Variants in TRPV2 observed in about 807,000 individuals in gnomAD.
TRPV2 encodes the protein OTRPC2.
Under a neutral mutation model 91.0 loss-of-function variants are expected in TRPV2, and 58 were observed. The ratio of observed to expected loss-of-function variants is 0.64; its 90% confidence interval spans 0.52 to 0.79. The LOEUF (loss-of-function observed/expected upper bound fraction) is 0.79. TRPV2 is among the 30% of genes least tolerant of loss of function. The pLI is 0.00. For missense variants in TRPV2, 807 were observed against 969.6 expected (o/e 0.83, Z 2.23); for synonymous variants, 417 against 414.8 (o/e 1.01, Z -0.06).
At position 16,432,165 on chromosome 17, in the gene TRPV2, C is replaced by G; in HGVS notation, c.1854C>G (p.Phe618Leu). Residue 618 changes from phenylalanine (F) to leucine (L), a missense_variant, in exon 12 of 15, where the codon TTC becomes TTG. Physicochemically the swap from Phe to Leu is conservative, Grantham distance 22. Coordinates refer to ENST00000338560, the MANE Select transcript of TRPV2 (RefSeq NM_016113.5). ...GELAFQEQLH[F>L]RGMVLLLLLA... ...TGGCCTTCCAGGAGCAGCTGCACTTCCGCGGCATGGTGCTGCTGCTGCTGC... is the reference window on the plus strand; with the variant it reads ...TGGCCTTCCAGGAGCAGCTGCACTTGCGCGGCATGGTGCTGCTGCTGCTGC... 1 of 1,614,278 alleles carries G rather than the reference C, an allele frequency of 6.2e-7. No individual in the cohort carries two copies. The highest frequency in any genetic ancestry group is 8.5e-7 in the Non-Finnish European group (1 of 1,180,052).
chr17:16,432,997 G>A (rs988614990), intron 12 of TRPV2, among the ~76,000 whole-genome samples: 1 of 150,284 alleles, frequency 6.7e-6, no homozygotes, highest in Non-Finnish European at 1.5e-5. Flanking sequence ...TAGAGATAAG[G>A]TTTCACCATG....
chr17:16,426,140 C>A lies in TRPV2; in HGVS notation c.966C>A (p.Ser322Arg). The change falls in exon 6 of 15, where the codon AGC becomes AGA. Residue 322 changes from serine to arginine, a missense_variant. By Grantham distance (110) the Ser-to-Arg change is moderately radical (BLOSUM62 -1). Transcript: ENST00000338560. The surrounding 1 kb of genome is among the most constrained non-coding windows in gnomAD (Gnocchi z 6.0). ...HILQREFSGL[S>R]HLSRKFTEWC... ...TGCAGCGGGAGTTTTCAGGACTGAGCCACCTTTCCCGAAAGTTCACCGAGT... is the reference window on the plus strand; with the variant it reads ...TGCAGCGGGAGTTTTCAGGACTGAGACACCTTTCCCGAAAGTTCACCGAGT... The A allele has an allele frequency of 1.9e-6, 3 of 1,614,146 alleles. No homozygotes were observed. Among genetic ancestry groups the A allele is most frequent in the Non-Finnish European group, 2.5e-6 (3 of 1,180,014 alleles).
chr17:16,428,418 A>G, intron 9 of TRPV2, 31 bp downstream of exon 9: 2 of 1,608,376 alleles, frequency 1.2e-6, no homozygotes, highest in Non-Finnish European at 1.7e-6. Context: ...CCTTCTCTCA[A>G]CTGTCTCTGA....
intron 10 of TRPV2, among the ~76,000 whole-genome samples, chr17:16,430,503 T>C (rs1600984335): frequency 6.6e-6 from 1 of 150,610 alleles, no homozygotes; most frequent in African/African-American, 2.4e-5. Context: ...TTTTTTTTTT[T>C]GAGATGGAGT....
chr17:16,428,518 C>A, intron 9 of TRPV2, 131 bp downstream of exon 9: 1 of 1,007,098 alleles, frequency 9.9e-7, no homozygotes, highest in South Asian at 1.4e-5. Flanking sequence ...TGTGTACAGG[C>A]CAGTCCCAGG....
At position 16,437,003 on chromosome 17, in the gene TRPV2, A is replaced by C; in HGVS notation, c.*114A>C. On this transcript the variant is annotated 3_prime_UTR_variant, in exon 15 of 15. Coordinates refer to ENST00000338560, the MANE Select transcript of TRPV2 (RefSeq NM_016113.5). Reference sequence around the variant, plus strand: ...GGCAAATATATATTTTCACTAACTAACTCTTCTGGAAACATTATTTGGGCA... The same window carrying C: ...GGCAAATATATATTTTCACTAACTACCTCTTCTGGAAACATTATTTGGGCA... 1.3e-6 allele frequency: 1 copy of C among 772,208 alleles called. No homozygotes were observed. Among genetic ancestry groups the C allele is most frequent in the Non-Finnish European group, 2.2e-6 (1 of 462,600 alleles). The allele number at this position is 772,208 out of a possible 1,614,324, so 47.8% of individuals were successfully genotyped here.
intron 1 of TRPV2, among the ~76,000 whole-genome samples, chr17:16,416,875 G>C (rs912564621): frequency 5.3e-5 from 8 of 152,196 alleles, no homozygotes; most frequent in Non-Finnish European, 2.9e-5. Context: ...TTTGGCGAGG[G>C]GTTGAGTGAC....
At chr17:16,418,737 T>C (rs751733238) in intron 2 of TRPV2, among the ~76,000 whole-genome samples, 12 of 152,082 alleles carry the variant, frequency 7.9e-5, no homozygotes, top group Non-Finnish European at 1.5e-4. Flanking sequence ...CTCAATGGGC[T>C]TCCCTACCCC....
intron 2 of TRPV2, 128 bp from the exon 3 acceptor site, chr17:16,419,987 C>A: frequency 3.7e-6 from 5 of 1,365,454 alleles, no homozygotes; most frequent in Non-Finnish European, 5.0e-6. Context: ...AGGGCTCTCA[C>A]TGGGCTCCTG....
At chr17:16,431,936 GC>G in intron 11 of TRPV2, 29 bp from the exon 12 acceptor site, 1 of 1,610,968 alleles carries the variant, frequency 6.2e-7, no homozygotes, top group South Asian at 1.1e-5. Flanking sequence ...GGTCTCCTGG[GC>G]TAAGGACCCC....
Position 16,436,932 on chromosome 17 carries a change from C to T in TRPV2, c.*43C>T. The T allele has an allele frequency of 6.7e-7, 1 of 1,492,478 alleles. No homozygotes were observed. The allele number at this position is 1,492,478 out of a possible 1,614,324, so 92.5% of individuals were successfully genotyped here. A position where few individuals can be genotyped will look rare whatever the true frequency, so the allele number is the denominator to read the frequency against. On this transcript the variant is annotated 3_prime_UTR_variant, in exon 15 of 15. Transcript: ENST00000338560. ...GAGGCCAGAGGACAGAGCAGAGGATCTTTCCAACCACATCTGCTGGCTCTG... is the reference window on the plus strand; with the variant it reads ...GAGGCCAGAGGACAGAGCAGAGGATTTTTCCAACCACATCTGCTGGCTCTG...
chr17:16,427,627 C>T, intron 8 of TRPV2, 80 bp downstream of exon 8: 1 of 1,354,932 alleles, frequency 7.4e-7, no homozygotes, highest in Middle Eastern at 1.8e-4. Context: ...TTAGCTGCAT[C>T]CCCTCACTGA....
At position 16,417,825 on chromosome 17, in the gene TRPV2, C is replaced by G; in HGVS notation, c.157C>G (p.Gln53Glu). ...FQGEDRKFAP[Q>E]IRVNLNYRKG... ...GGGCGAGGACCGGAAATTCGCCCCT[C>G]AGATAAGAGTCAACCTCAACTACCG... The change falls in exon 2 of 15, where the codon CAG becomes GAG. Residue 53 changes from glutamine to glutamate, a missense_variant. Physicochemically the swap from Gln to Glu is conservative, Grantham distance 29 (BLOSUM62 2). Coordinates refer to ENST00000338560, the MANE Select transcript of TRPV2 (RefSeq NM_016113.5). 4 of 1,614,204 alleles carry G rather than the reference C, an allele frequency of 2.5e-6. No individual in the cohort carries two copies. In the Admixed American group the frequency reaches 5.0e-5, roughly 20 times the overall value.
chr17:16,422,359 AG>A (rs2093362128), intron 3 of TRPV2, among the ~76,000 whole-genome samples: 1 of 150,690 alleles, frequency 6.6e-6, no homozygotes, highest in African/African-American at 2.5e-5. Flanking sequence ...GAAAAGAAAA[AG>A]AAAAAAAAAG....
chr17:16,417,915 T>C, intron 2 of TRPV2, 47 bp downstream of exon 2: 1 of 1,560,480 alleles, frequency 6.4e-7, no homozygotes, highest in Non-Finnish European at 8.8e-7. Context: ...CCTGCCCAGC[T>C]CCAGCAGAGC....
intron 2 of TRPV2, 33 bp downstream of exon 2, chr17:16,417,901 GC>G (rs770673838): frequency 5.6e-6 from 9 of 1,597,134 alleles, no homozygotes; most frequent in Non-Finnish European, 6.8e-6. Flanking sequence ...GGCAAAGGGG[GC>G]CCCCTGCCCA....
At chr17:16,419,016 G>A (rs1373257904) in intron 2 of TRPV2, among the ~76,000 whole-genome samples, 1 of 150,482 alleles carries the variant, frequency 6.6e-6, no homozygotes, top group African/African-American at 2.5e-5. Flanking sequence ...GGGTGTCAGT[G>A]TGACTCTGTC....
Position 16,417,581 on chromosome 17 carries a change from C to T in TRPV2, c.-88C>T, listed in dbSNP as rs778953873. The T allele has an allele frequency of 2.4e-5, 35 of 1,441,458 alleles. No homozygotes were observed. Among genetic ancestry groups the T allele is most frequent in the East Asian group, 1.1e-4 (5 of 43,746 alleles). The allele number at this position is 1,441,458 out of a possible 1,614,324, so 89.3% of individuals were successfully genotyped here. A position where few individuals can be genotyped will look rare whatever the true frequency, so the allele number is the denominator to read the frequency against. On this transcript the variant is annotated 5_prime_UTR_variant, in exon 2 of 15. Transcript: ENST00000338560. ...TTGCAGGCTCCAGTCAGGCCAACAC[C>T]GACGCGCAGCTGGGAGGAAGACAGG...
rs142919317 is a variant in TRPV2 at position 16,432,881 on chromosome 17, C to T, written c.1989+581C>T. ...AGTGCAATGGTGCAATCTTGGCTCA[C>T]TGCCACCTTTGTCTCCTGGGTTCAA... On this transcript the variant is annotated intron_variant, in intron 12 of 14. Coordinates refer to ENST00000338560, the MANE Select transcript of TRPV2 (RefSeq NM_016113.5). Among the ~76,000 whole-genome samples the T allele has an allele frequency of 3.7e-3, 561 of 151,638 alleles. 3 individuals carry two copies. Among genetic ancestry groups the T allele is most frequent in the Non-Finnish European group, 6.4e-3 (433 of 67,926 alleles).
Sources: allele counts gnomAD v4.1 joint callset (sites outside exome capture counted in the v4.1 genomes callset), GRCh38; gene constraint gnomAD v4.1.1; non-coding constraint Gnocchi (gnomAD v3.1); transcripts MANE v1.5; gene names NCBI Gene and HGNC (gene_info 2026-07-23, HGNC 2026-07-21).